The following GPM6A variants were observed in gnomAD, a reference collection of about 807,000 sequenced individuals.
GPM6A encodes the protein neuronal membrane glycoprotein M6-a.
GPM6A carries 7 observed loss-of-function variants against 32.1 expected under a neutral mutation model. That is an observed-to-expected ratio of 0.22 (90% CI 0.12 to 0.41). The LOEUF (loss-of-function observed/expected upper bound fraction) is 0.41. GPM6A is among the 10% of genes least tolerant of loss of function. The probability of loss-of-function intolerance (pLI) is 1.00; values close to 1 mark genes in which losing one functional copy is unlikely to be tolerated. For missense variants in GPM6A, 235 were observed against 347.2 expected, an observed-to-expected ratio of 0.68 and a Z score of 2.57; for synonymous variants, 130 against 123.4, an observed-to-expected ratio of 1.05 and a Z score of -0.35.
At chr4:175,655,719 G>A (rs1742046564) in intron 3 of GPM6A, among the ~76,000 whole-genome samples, 1 of 151,890 alleles carries the variant, frequency 6.6e-6, no homozygotes, top group African/African-American at 2.4e-5. Context: ...GAAAAAAAAT[G>A]ATAAAAGTAC....
At chr4:175,788,421 G>A (rs532991551) in intron 1 of GPM6A, among the ~76,000 whole-genome samples, 153 of 152,214 alleles carry the variant, frequency 1.0e-3, no homozygotes, top group Middle Eastern at 3.4e-3. Context: ...TATTCAGTCT[G>A]TTTTATTAAT....
chr4:175,829,515 A>G (rs1735539972), intron 1 of GPM6A, among the ~76,000 whole-genome samples: 2 of 151,686 alleles, frequency 1.3e-5, no homozygotes, highest in African/African-American at 2.4e-5. Context: ...TTGGATGCCA[A>G]GTGAAAACGT....
chr4:175,888,593 T>C (rs1737536631), intron 1 of GPM6A, among the ~76,000 whole-genome samples: 1 of 152,048 alleles, frequency 6.6e-6, no homozygotes, highest in South Asian at 2.1e-4. Context: ...ATAAAGATAA[T>C]ATGTAACATA....
chr4:175,637,752 T>C (rs1168946706), intron 6 of GPM6A, among the ~76,000 whole-genome samples: 3 of 87,802 alleles, frequency 3.4e-5, no homozygotes, highest in Non-Finnish European at 6.1e-5. Context: ...AAAAATATAA[T>C]ATATAATATA....
chr4:175,726,937 G>T (rs75547289), intron 1 of GPM6A, among the ~76,000 whole-genome samples: 7,502 of 152,104 alleles, frequency 0.049, 541 homozygotes, highest in East Asian at 0.37. Context: ...TGGAGATTAC[G>T]GTAAGCCAAG....
intron 6 of GPM6A, among the ~76,000 whole-genome samples, chr4:175,637,674 A>ATATATATAAAATATATAATATATT (rs1491248017): frequency 1.9e-4 from 1 of 5,326 alleles, no homozygotes; most frequent in African/African-American, 2.6e-4. Flanking sequence ...TAATATATAT[A>ATATATATAAAATATATAATATATT]ATATATATAT....
chr4:176,001,684 G>A (rs1373512978), intron 1 of GPM6A, among the ~76,000 whole-genome samples: 1 of 152,152 alleles, frequency 6.6e-6, no homozygotes, highest in Non-Finnish European at 1.5e-5. Flanking sequence ...TTACCCAGGT[G>A]GAATTTAGGA....
At chr4:175,736,152 A>G (rs1731650448) in intron 1 of GPM6A, among the ~76,000 whole-genome samples, 1 of 152,026 alleles carries the variant, frequency 6.6e-6, no homozygotes, top group Non-Finnish European at 1.5e-5. Context: ...CAGCCTTCCA[A>G]TTAGTCACAG....
Position 175,829,244 on chromosome 4 carries a change from C to T in GPM6A, c.-22-16995G>A, listed in dbSNP as rs185242148. On this transcript the variant is annotated intron_variant, in intron 1 of 7. Transcript: ENST00000280187. ...ACTGGGCCTGGCCAAGAATGTTAAA[C>T]TTTTTGTACATCTAAAATAAATAGA... is the stretch of plus-strand genomic sequence containing the variant. Among the ~76,000 whole-genome samples, 103 of 152,260 alleles carry T rather than the reference C, an allele frequency of 6.8e-4. 1 individual carries two copies. In the East Asian group the frequency reaches 7.5e-3, roughly 11 times the overall value.
At chr4:175,939,962 A>G (rs1343001442) in intron 1 of GPM6A, among the ~76,000 whole-genome samples, 3 of 152,228 alleles carry the variant, frequency 2.0e-5, no homozygotes, top group Non-Finnish European at 4.4e-5. Context: ...AAATGCATAC[A>G]TGCCATGAAG....
chr4:175,895,198 T>C (rs1333714784), intron 1 of GPM6A, among the ~76,000 whole-genome samples: 3 of 152,136 alleles, frequency 2.0e-5, no homozygotes, highest in Non-Finnish European at 4.4e-5. Context: ...ATGCCACCAG[T>C]GTAGCCAACT....
At chr4:175,967,125 G>A (rs1740356009) in intron 1 of GPM6A, among the ~76,000 whole-genome samples, 1 of 152,128 alleles carries the variant, frequency 6.6e-6, no homozygotes, top group African/African-American at 2.4e-5. Flanking sequence ...ATTTATTAGT[G>A]TATGAAAATC....
At chr4:175,920,058 A>G (rs1295591455) in intron 1 of GPM6A, among the ~76,000 whole-genome samples, 2 of 152,246 alleles carry the variant, frequency 1.3e-5, no homozygotes, top group Non-Finnish European at 2.9e-5. Context: ...GTAACCTCTA[A>G]AGGTGATGGA....
intron 1 of GPM6A, among the ~76,000 whole-genome samples, chr4:175,909,068 C>A (rs1738232449): frequency 7.1e-6 from 1 of 141,298 alleles, no homozygotes; most frequent in Non-Finnish European, 1.5e-5. Context: ...AGCTCATAAC[C>A]AACTTAATCA....
intron 1 of GPM6A, among the ~76,000 whole-genome samples, chr4:175,951,567 G>T (rs1437147361): frequency 4.6e-5 from 7 of 152,162 alleles, no homozygotes; most frequent in Non-Finnish European, 1.0e-4. Context: ...ACCTTGAAAG[G>T]CTGTTGAAGC....
intron 1 of GPM6A, among the ~76,000 whole-genome samples, chr4:175,838,743 C>A (rs762437035): frequency 8.8e-5 from 13 of 147,550 alleles, no homozygotes; most frequent in Non-Finnish European, 1.8e-4. Context: ...GAACCTTTAC[C>A]TCCTGATTCA....
At chr4:175,726,088 G>T (rs1421349797) in intron 1 of GPM6A, among the ~76,000 whole-genome samples, 1 of 147,692 alleles carries the variant, frequency 6.8e-6, no homozygotes, top group South Asian at 2.2e-4. Flanking sequence ...CGCCTCCCAG[G>T]TTCATGCCAT....
chr4:175,994,960 A>G (rs755752414), intron 1 of GPM6A, among the ~76,000 whole-genome samples: 5 of 152,204 alleles, frequency 3.3e-5, no homozygotes, highest in African/African-American at 4.8e-5. Context: ...ATTTTAAGGA[A>G]CCACTTTCAT....
intron 1 of GPM6A, among the ~76,000 whole-genome samples, chr4:175,885,210 C>A (rs1413182430): frequency 2.0e-5 from 3 of 152,126 alleles, no homozygotes; most frequent in Admixed American, 2.0e-4. Context: ...ATTACTGAAC[C>A]AGAACTACCT....
Sources: gnomAD v4.1 joint callset for allele counts (sites outside exome capture counted in the v4.1 genomes callset) on GRCh38, gnomAD v4.1.1 for gene constraint, MANE v1.5 for transcripts, NCBI Gene and HGNC (gene_info 2026-07-23, HGNC 2026-07-21) for gene names.